The following PTPRD variants were observed in gnomAD, a reference collection of about 807,000 sequenced individuals.
The protein encoded by PTPRD is receptor-type tyrosine-protein phosphatase delta.
PTPRD carries 34 observed loss-of-function variants against 214.5 expected under a neutral mutation model. The observed-to-expected ratio is 0.16, with a 90% CI of 0.12 to 0.21. The LOEUF is 0.21. Ranked by LOEUF, PTPRD falls within the 10% of genes least tolerant of loss-of-function variation. PTPRD has a pLI of 1.00. For missense variants in PTPRD, 2,545 were observed against 2,398.7 expected, an observed-to-expected ratio of 1.06 and a Z score of -1.27; for synonymous variants, 1,128 against 845.7, an observed-to-expected ratio of 1.33 and a Z score of -5.79.
intron 9 of PTPRD, among the ~76,000 whole-genome samples, chr9:9,245,147 G>C (rs1257400177): frequency 1.3e-5 from 2 of 152,180 alleles, no homozygotes; most frequent in Non-Finnish European, 2.9e-5. Flanking sequence ...ACAGGTGCTG[G>C]AGAGGATGTG....
At chr9:8,976,266 A>G (rs187762550) in intron 11 of PTPRD, among the ~76,000 whole-genome samples, 1 of 152,142 alleles carries the variant, frequency 6.6e-6, no homozygotes, top group Admixed American at 6.6e-5. Flanking sequence ...TTCTCTGGTA[A>G]TTAGTACAGT....
intron 8 of PTPRD, among the ~76,000 whole-genome samples, chr9:9,427,624 G>C (rs1172241560): frequency 6.6e-6 from 1 of 152,166 alleles, no homozygotes; most frequent in Non-Finnish European, 1.5e-5. Context: ...ATTTACCAAA[G>C]TTGAAAAGAA....
chr9:9,553,234 T>G (rs1045809368), intron 8 of PTPRD, among the ~76,000 whole-genome samples: 8 of 152,060 alleles, frequency 5.3e-5, no homozygotes, highest in African/African-American at 1.9e-4. Context: ...ATAAATATGT[T>G]TCTGAGAAAT....
chr9:10,419,397 C>T (rs747259759), intron 2 of PTPRD, among the ~76,000 whole-genome samples: 16 of 151,778 alleles, frequency 1.1e-4, no homozygotes, highest in South Asian at 2.1e-4. Context: ...GGCATAGTTC[C>T]GTTCTTTTTA....
intron 12 of PTPRD, among the ~76,000 whole-genome samples, chr9:8,691,273 A>T (rs2097794425): frequency 6.6e-6 from 1 of 152,044 alleles, no homozygotes; most frequent in Non-Finnish European, 1.5e-5. Flanking sequence ...ATCCAAACAT[A>T]TGCGTATCCA....
chr9:8,748,767 C>G (rs1159559155), intron 11 of PTPRD, among the ~76,000 whole-genome samples: 1 of 151,946 alleles, frequency 6.6e-6, no homozygotes, highest in African/African-American at 2.4e-5. Flanking sequence ...CAAGATTAGC[C>G]AGGCATGGTG....
At chr9:9,529,168 G>A (rs1436604401) in intron 8 of PTPRD, among the ~76,000 whole-genome samples, 10 of 151,446 alleles carry the variant, frequency 6.6e-5, no homozygotes, top group Admixed American at 4.6e-4. Flanking sequence ...TCCTGACCTC[G>A]TGATCCGCCC....
At chr9:8,674,118 G>A (rs1326085723) in intron 12 of PTPRD, among the ~76,000 whole-genome samples, 1 of 151,804 alleles carries the variant, frequency 6.6e-6, no homozygotes, top group Non-Finnish European at 1.5e-5. Flanking sequence ...AAATCACATA[G>A]ACACACACAC....
intron 2 of PTPRD, among the ~76,000 whole-genome samples, chr9:10,366,083 T>A (rs1218533888): frequency 2.0e-5 from 3 of 152,134 alleles, no homozygotes; most frequent in African/African-American, 7.2e-5. Flanking sequence ...TAAAAAACAC[T>A]GTCACTGCTG....
intron 3 of PTPRD, among the ~76,000 whole-genome samples, chr9:10,112,802 T>C (rs1421699480): frequency 6.6e-6 from 1 of 152,228 alleles, no homozygotes; most frequent in Non-Finnish European, 1.5e-5. Flanking sequence ...TCCCCTTACC[T>C]CTCTGTAGAT....
At chr9:8,769,394 A>C (rs1440646533) in intron 11 of PTPRD, among the ~76,000 whole-genome samples, 1 of 152,240 alleles carries the variant, frequency 6.6e-6, no homozygotes, top group African/African-American at 2.4e-5. Flanking sequence ...CACTCACTCC[A>C]AGTTTTAACC....
intron 8 of PTPRD, among the ~76,000 whole-genome samples, chr9:9,399,613 T>A (rs180782441): frequency 6.6e-6 from 1 of 152,124 alleles, no homozygotes; most frequent in African/African-American, 2.4e-5. Flanking sequence ...CATATTGTGG[T>A]AGAGATCCAG....
chr9:9,583,625 T>C (rs1462341858), intron 7 of PTPRD, among the ~76,000 whole-genome samples: 1 of 152,106 alleles, frequency 6.6e-6, no homozygotes, highest in Admixed American at 6.6e-5. Flanking sequence ...CCCAGCATAA[T>C]ATACTGATCC....
intron 3 of PTPRD, among the ~76,000 whole-genome samples, chr9:10,101,652 A>G (rs2098553017): frequency 6.6e-6 from 1 of 151,710 alleles, no homozygotes; most frequent in Non-Finnish European, 1.5e-5. Flanking sequence ...CACAGGTCCT[A>G]TTACTACACC....
At chr9:10,417,225 T>C (rs375091902) in intron 2 of PTPRD, among the ~76,000 whole-genome samples, 6 of 152,070 alleles carry the variant, frequency 3.9e-5, no homozygotes, top group South Asian at 2.1e-4. Flanking sequence ...TCAAGTTCTA[T>C]TAAGACAAGT....
At chr9:8,632,161 G>A (rs1250490475) in intron 14 of PTPRD, among the ~76,000 whole-genome samples, 2 of 151,216 alleles carry the variant, frequency 1.3e-5, no homozygotes, top group Non-Finnish European at 3.0e-5. Context: ...GTGTGTGTGT[G>A]TGTTTAGTTT....
intron 9 of PTPRD, among the ~76,000 whole-genome samples, chr9:9,224,493 T>C (rs1435582698): frequency 1.3e-5 from 2 of 152,000 alleles, no homozygotes; most frequent in Non-Finnish European, 2.9e-5. Flanking sequence ...TTGAAAGAAG[T>C]GCTGAAAATG....
At chr9:8,808,493 A>G (rs10977303) in intron 11 of PTPRD, among the ~76,000 whole-genome samples, 6 of 87,264 alleles carry the variant, frequency 6.9e-5, no homozygotes, top group African/African-American at 3.0e-4. Context: ...TTTGGCTTTC[A>G]TGGAGAAAAC....
chr9:9,217,108 C>A (rs1327746009), intron 9 of PTPRD, among the ~76,000 whole-genome samples: 1 of 152,000 alleles, frequency 6.6e-6, no homozygotes. Flanking sequence ...CTAAGGGCCC[C>A]TTTAGCCAAA....
Sources: gnomAD v4.1 joint callset for allele counts (sites outside exome capture counted in the v4.1 genomes callset) on GRCh38, gnomAD v4.1.1 for gene constraint, MANE v1.5 for transcripts, NCBI Gene and HGNC (gene_info 2026-07-23, HGNC 2026-07-21) for gene names.